The following GPC6 variants were observed in gnomAD, a reference collection of about 807,000 sequenced individuals.
The protein encoded by GPC6 is glypican 6, also known as glypican-6.
In GPC6, 14 loss-of-function variants were observed where a neutral mutation model predicts 55.2. The observed-to-expected ratio is 0.25, with a 90% CI of 0.17 to 0.40. The LOEUF (loss-of-function observed/expected upper bound fraction) is 0.40, where lower values mean the gene tolerates loss of function less well. Ranked by LOEUF, GPC6 falls within the 10% of genes least tolerant of loss-of-function variation. The probability of loss-of-function intolerance (pLI) is 1.00; values close to 1 mark genes in which losing one functional copy is unlikely to be tolerated. For missense variants in GPC6, 641 were observed against 708.5 expected (o/e 0.90, Z 1.08); for synonymous variants, 278 against 259.6 (o/e 1.07, Z -0.68).
intron 6 of GPC6, among the ~76,000 whole-genome samples, chr13:94,345,945 G>A (rs1042329808): frequency 3.9e-5 from 6 of 152,106 alleles, no homozygotes; most frequent in Admixed American, 3.3e-4. Context: ...CCTTCTCTAA[G>A]CTTCTAGTGA....
chr13:94,378,867 A>C (rs1331402245), intron 6 of GPC6, among the ~76,000 whole-genome samples: 1 of 152,226 alleles, frequency 6.6e-6, no homozygotes, highest in Non-Finnish European at 1.5e-5. Context: ...GTCCTAGAAT[A>C]GCTCATCCAG....
chr13:93,397,245 G>T (rs957596915), intron 1 of GPC6, among the ~76,000 whole-genome samples: 2 of 152,110 alleles, frequency 1.3e-5, no homozygotes, highest in Admixed American at 6.5e-5. Context: ...GGACATTTCA[G>T]TCCATCATTT....
At chr13:93,895,671 A>T (rs1222058819) in intron 3 of GPC6, among the ~76,000 whole-genome samples, 3 of 152,072 alleles carry the variant, frequency 2.0e-5, no homozygotes, top group Non-Finnish European at 2.9e-5. Flanking sequence ...ATGAAACTGC[A>T]TTATGAATCA....
At chr13:93,228,096 G>A (rs1403172846) in intron 1 of GPC6, among the ~76,000 whole-genome samples, 1 of 152,110 alleles carries the variant, frequency 6.6e-6, no homozygotes, top group Non-Finnish European at 1.5e-5. Flanking sequence ...GAGAGACGCG[G>A]AGGGCTCCCC....
At chr13:93,251,459 T>C (rs934701688) in intron 1 of GPC6, among the ~76,000 whole-genome samples, 10 of 152,190 alleles carry the variant, frequency 6.6e-5, no homozygotes, top group African/African-American at 1.7e-4. Context: ...ATAAACAATA[T>C]GAAAACTTTC....
chr13:94,310,985 T>C (rs1876215173), intron 6 of GPC6, among the ~76,000 whole-genome samples: 1 of 152,074 alleles, frequency 6.6e-6, no homozygotes, highest in Admixed American at 6.5e-5. Context: ...ACATAGAAAA[T>C]TCAAGGGATT....
In GPC6 at chr13:93,328,948, T is replaced by C. The variant is rs148289496; in HGVS notation, c.160+101332T>C. 2.6e-4 allele frequency among the ~76,000 whole-genome samples: 39 copies of C among 152,272 alleles called. 1 individual carries two copies. Among genetic ancestry groups the C allele is most frequent in the Non-Finnish European group, 5.1e-4 (35 of 68,022 alleles). On this transcript the variant is annotated intron_variant, in intron 1 of 8. Coordinates refer to ENST00000377047, the MANE Select transcript of GPC6 (RefSeq NM_005708.5). ...CTCCTGTCAGTTCAAGTCGTCAGTTTAGAACTCAGGGCTGCAGATTCTGAT... is the reference window on the plus strand; with the variant it reads ...CTCCTGTCAGTTCAAGTCGTCAGTTCAGAACTCAGGGCTGCAGATTCTGAT...
rs540623292 is a variant in GPC6 at position 93,805,014 on chromosome 13, A to T, written c.320-25140A>T. Among the ~76,000 whole-genome samples the T allele has an allele frequency of 1.2e-4, 18 of 152,330 alleles. No individual in the cohort carries two copies. The East Asian group carries it at 3.5e-3, about 29-fold the overall frequency. ...CAAAAGTTATTACATGTGACATTCA[A>T]TCATTTTACCTAGTAAGTACTTTAA... On this transcript the variant is annotated intron_variant, in intron 2 of 8. Coordinates refer to ENST00000377047, the MANE Select transcript of GPC6 (RefSeq NM_005708.5).
intron 2 of GPC6, among the ~76,000 whole-genome samples, chr13:93,595,507 T>C (rs1877686210): frequency 6.6e-6 from 1 of 152,204 alleles, no homozygotes; most frequent in Admixed American, 6.5e-5. Context: ...TATATATTTT[T>C]GAATTTCAGT....
intron 1 of GPC6, chr13:93,395,543 A>G (rs1024046718): frequency 5.7e-6 from 1 of 175,470 alleles, no homozygotes; most frequent in Non-Finnish European, 1.2e-5. Context: ...GCCACCAACA[A>G]CAAATATATT....
chr13:93,636,576 T>A (rs1594330843), intron 2 of GPC6, among the ~76,000 whole-genome samples: 1 of 152,252 alleles, frequency 6.6e-6, no homozygotes, highest in Middle Eastern at 3.4e-3. Context: ...ATCTGCCATG[T>A]CCCACCAGCA....
At position 93,737,265 on chromosome 13, in the gene GPC6, A is replaced by T. The variant is rs114810018; in HGVS notation, c.320-92889A>T. ...GAAGACCAAAATCATCTCTTAATGGATTATAGTGGCCTGCGAGGACCTTTA... is the reference window on the plus strand; with the variant it reads ...GAAGACCAAAATCATCTCTTAATGGTTTATAGTGGCCTGCGAGGACCTTTA... On this transcript the variant is annotated intron_variant, in intron 2 of 8. Coordinates refer to ENST00000377047, the MANE Select transcript of GPC6 (RefSeq NM_005708.5). Among the ~76,000 whole-genome samples, 831 of 152,188 alleles carry T rather than the reference A, an allele frequency of 5.5e-3. 9 individuals carry two copies. Among genetic ancestry groups the T allele is most frequent in the African/African-American group, 0.018 (760 of 41,536 alleles).
At chr13:93,789,611 ATATAT>A (rs1237346909) in intron 2 of GPC6, among the ~76,000 whole-genome samples, 2 of 13,424 alleles carry the variant, frequency 1.5e-4, no homozygotes, top group African/African-American at 5.7e-4. Flanking sequence ...ATATATATAT[ATATAT>A]ATATATATAT....
At chr13:93,710,498 G>T (rs565829536) in intron 2 of GPC6, among the ~76,000 whole-genome samples, 15 of 151,852 alleles carry the variant, frequency 9.9e-5, no homozygotes, top group African/African-American at 3.6e-4. Context: ...ACCAATAATG[G>T]TATGTGTAGG....
intron 1 of GPC6, among the ~76,000 whole-genome samples, chr13:93,538,090 A>T (rs1259473266): frequency 2.0e-5 from 3 of 152,172 alleles, no homozygotes; most frequent in Admixed American, 2.0e-4. Flanking sequence ...AGGAACACCC[A>T]GCCCATGTGG....
At chr13:93,741,897 T>C (rs1884215045) in intron 2 of GPC6, among the ~76,000 whole-genome samples, 1 of 152,240 alleles carries the variant, frequency 6.6e-6, no homozygotes, top group African/African-American at 2.4e-5. Context: ...CTCCCAATTT[T>C]ATAGTTTTCA....
intron 2 of GPC6, among the ~76,000 whole-genome samples, chr13:93,574,781 G>T (rs1035514884): frequency 9.9e-5 from 15 of 152,130 alleles, no homozygotes; most frequent in African/African-American, 3.6e-4. Flanking sequence ...TCTGTCTAGA[G>T]ATTTGCTTTT....
At chr13:93,557,026 T>C (rs1875519614) in intron 2 of GPC6, among the ~76,000 whole-genome samples, 1 of 152,194 alleles carries the variant, frequency 6.6e-6, no homozygotes, top group Non-Finnish European at 1.5e-5. Context: ...AATGACTTTA[T>C]GCCTAATTGA....
chr13:93,374,327 C>T (rs767254476), intron 1 of GPC6, among the ~76,000 whole-genome samples: 2 of 152,178 alleles, frequency 1.3e-5, no homozygotes, highest in African/African-American at 2.4e-5. Context: ...TTAGGAGGCC[C>T]GATTAAGAAC....
Sources: allele counts gnomAD v4.1 joint callset (sites outside exome capture counted in the v4.1 genomes callset), GRCh38; gene constraint gnomAD v4.1.1; transcripts MANE v1.5; gene names NCBI Gene and HGNC (gene_info 2026-07-23, HGNC 2026-07-21).